Variants in CDH18 observed in about 807,000 individuals in gnomAD.
The protein encoded by CDH18 is cadherin 18, also known as cadherin-18.
In CDH18, 31 loss-of-function variants were observed where a neutral mutation model predicts 67.9. The ratio of observed to expected loss-of-function variants is 0.46; its 90% CI spans 0.34 to 0.62. The LOEUF (loss-of-function observed/expected upper bound fraction) is 0.62, where lower values mean the gene tolerates loss of function less well. Ranked by LOEUF, CDH18 falls within the 20% of genes least tolerant of loss-of-function variation. The probability of loss-of-function intolerance (pLI) is 0.01; values close to 1 mark genes in which losing one functional copy is unlikely to be tolerated. For synonymous variants in CDH18, 362 were observed against 347.2 expected (o/e 1.04, Z -0.48); for missense variants, 890 against 975.5 (o/e 0.91, Z 1.17).
At chr5:19,971,765 G>A (rs1054450305) in intron 2 of CDH18, among the ~76,000 whole-genome samples, 1 of 151,728 alleles carries the variant, frequency 6.6e-6, no homozygotes. Context: ...ATACCTGGGT[G>A]ATGAAATAAT....
Position 19,867,716 on chromosome 5 carries a change from AAC to A in CDH18, c.-256-28476_-256-28475del, listed in dbSNP as rs1247398572. 6.4e-5 allele frequency among the ~76,000 whole-genome samples: 8 copies of A among 124,836 alleles called. No homozygotes were observed. In the East Asian group the frequency reaches 1.8e-3, roughly 29 times the overall value. The allele number at this position is 124,836 out of a possible 152,430, so 81.9% of individuals were successfully genotyped here. ...AAGATATGCATATAATAATACAGCC[AAC>A]ACAAATTTACTGATTGCAAAAAATC... On this transcript the variant is annotated intron_variant, in intron 2 of 12. Coordinates refer to ENST00000382275, the MANE Select transcript of CDH18 (RefSeq NM_004934.5).
At chr5:20,172,190 G>GTGTGTGTATATA (rs1342353318) in intron 2 of CDH18, among the ~76,000 whole-genome samples, 1 of 23,318 alleles carries the variant, frequency 4.3e-5, no homozygotes, top group African/African-American at 1.6e-4. Flanking sequence ...AGCATTGTGT[G>GTGTGTGTATATA]TATATATATA....
intron 2 of CDH18, among the ~76,000 whole-genome samples, chr5:19,889,962 G>T (rs753100707): frequency 6.6e-6 from 1 of 152,030 alleles, no homozygotes; most frequent in Non-Finnish European, 1.5e-5. Flanking sequence ...AGGCCAAATG[G>T]TTACCATCTA....
intron 2 of CDH18, among the ~76,000 whole-genome samples, chr5:20,025,431 T>C (rs1243281681): frequency 6.6e-6 from 1 of 152,208 alleles, no homozygotes; most frequent in African/African-American, 2.4e-5. Context: ...TATGTCACAG[T>C]ATTTCCAATA....
chr5:19,655,121 T>A (rs1359056696), intron 5 of CDH18, among the ~76,000 whole-genome samples: 1 of 152,198 alleles, frequency 6.6e-6, no homozygotes. Flanking sequence ...GCCAGGGAAC[T>A]GCCCTCTTTT....
intron 2 of CDH18, among the ~76,000 whole-genome samples, chr5:20,149,076 T>C (rs1175339486): frequency 6.6e-6 from 1 of 152,204 alleles, no homozygotes; most frequent in African/African-American, 2.4e-5. Context: ...GATCACATTC[T>C]GTATATGACC....
rs1738021574 is a variant in CDH18, at chr5:19,554,455, C to A, written c.1254-10450G>T. On this transcript the variant is annotated intron_variant, in intron 8 of 12. Transcript: ENST00000382275. ...GTCCCAGATACTTGGAAGACTGAGG[C>A]AGGAGAATCCCTTGAACTCTGGAGG... Among the ~76,000 whole-genome samples the A allele has an allele frequency of 2.0e-5, 3 of 151,834 alleles. No individual in the cohort carries two copies. The South Asian group carries it at 6.2e-4, about 32-fold the overall frequency.
intron 1 of CDH18, among the ~76,000 whole-genome samples, chr5:20,348,426 C>G (rs1740888117): frequency 6.6e-6 from 1 of 152,194 alleles, no homozygotes; most frequent in African/African-American, 2.4e-5. Context: ...AAGATCTGTG[C>G]AGTTTAAAAA....
intron 2 of CDH18, among the ~76,000 whole-genome samples, chr5:19,848,763 T>C (rs10074201): frequency 0.88 from 134,020 of 151,486 alleles, 59,462 homozygotes; most frequent in Non-Finnish European, 0.92. Context: ...ATGATGGTAG[T>C]GAAGACAAAG....
intron 2 of CDH18, among the ~76,000 whole-genome samples, chr5:19,948,496 T>C (rs1169228402): frequency 6.6e-6 from 1 of 152,074 alleles, no homozygotes; most frequent in Non-Finnish European, 1.5e-5. Context: ...AAAATAATCA[T>C]AGAGATGAAA....
intron 3 of CDH18, among the ~76,000 whole-genome samples, chr5:19,758,154 T>C (rs565221481): frequency 5.9e-5 from 9 of 152,266 alleles, no homozygotes; most frequent in South Asian, 2.1e-4. Flanking sequence ...TGATCATATA[T>C]ATAACCACTT....
chr5:19,798,254 T>A (rs578143361), intron 3 of CDH18, among the ~76,000 whole-genome samples: 1 of 152,166 alleles, frequency 6.6e-6, no homozygotes, highest in East Asian at 1.9e-4. Context: ...AAGGATAACA[T>A]CCTGGTTCTA....
At chr5:20,337,393 C>T (rs2150037460) in intron 1 of CDH18, among the ~76,000 whole-genome samples, 1 of 152,292 alleles carries the variant, frequency 6.6e-6, no homozygotes, top group African/African-American at 2.4e-5. Flanking sequence ...TCGCCTTTAG[C>T]AGCATCCAAG....
At chr5:20,552,596 G>T (rs919299897) in intron 1 of CDH18, among the ~76,000 whole-genome samples, 1 of 151,880 alleles carries the variant, frequency 6.6e-6, no homozygotes, top group Admixed American at 6.6e-5. Context: ...ATATTGTCAG[G>T]GTTTCAAATA....
At chr5:19,744,715 A>G (rs776846759) in intron 4 of CDH18, among the ~76,000 whole-genome samples, 7 of 152,184 alleles carry the variant, frequency 4.6e-5, no homozygotes, top group Non-Finnish European at 1.0e-4. Flanking sequence ...TAAACAATAG[A>G]TTTGGGGCTT....
intron 9 of CDH18, among the ~76,000 whole-genome samples, chr5:19,541,491 T>C (rs774315916): frequency 6.6e-6 from 1 of 152,208 alleles, no homozygotes; most frequent in Non-Finnish European, 1.5e-5. Flanking sequence ...TAGTCTGTTC[T>C]CACACTGCTG....
At chr5:19,930,672 T>C (rs532556958) in intron 2 of CDH18, among the ~76,000 whole-genome samples, 18 of 152,046 alleles carry the variant, frequency 1.2e-4, no homozygotes, top group African/African-American at 4.1e-4. Flanking sequence ...AGCAGCTCAA[T>C]AGCAAGAGGC....
chr5:19,545,077 A>G (rs1174087297), intron 8 of CDH18, among the ~76,000 whole-genome samples: 3 of 152,208 alleles, frequency 2.0e-5, no homozygotes, highest in Non-Finnish European at 4.4e-5. Context: ...CATATGTTCT[A>G]GAAAAGCTTC....
intron 1 of CDH18, among the ~76,000 whole-genome samples, chr5:20,496,449 T>C (rs1166363280): frequency 1.3e-5 from 2 of 152,154 alleles, no homozygotes; most frequent in Non-Finnish European, 2.9e-5. Context: ...GGAAAATTAA[T>C]AACACTGTAA....
Sources: allele counts gnomAD v4.1 joint callset (sites outside exome capture counted in the v4.1 genomes callset), GRCh38; gene constraint gnomAD v4.1.1; transcripts MANE v1.5; gene names NCBI Gene and HGNC (gene_info 2026-07-23, HGNC 2026-07-21).